Variants in RELL1 observed in about 807,000 individuals in gnomAD.
The protein encoded by RELL1 is RELT like 1.
RELL1 carries 10 observed loss-of-function variants against 23.0 expected under a neutral mutation model. The observed-to-expected ratio is 0.43, with a 90% CI of 0.27 to 0.74. The LOEUF is 0.74. Ranked by LOEUF, RELL1 falls within the 30% of genes least tolerant of loss-of-function variation. The pLI, the probability that RELL1 is intolerant of heterozygous loss-of-function variation, is 0.19. For missense variants in RELL1, 315 were observed against 364.4 expected, an observed-to-expected ratio of 0.86 and a Z score of 1.10; for synonymous variants, 146 against 146.8, an observed-to-expected ratio of 0.99 and a Z score of 0.04.
chr4:37,684,012 C>T (rs1164671708), intron 1 of RELL1, among the ~76,000 whole-genome samples: 1 of 151,362 alleles, frequency 6.6e-6, no homozygotes, highest in African/African-American at 2.4e-5. Context: ...ACCCGGGAGG[C>T]GGAGCTTGCA....
At chr4:37,633,134 C>G (rs541803336) in intron 5 of RELL1, among the ~76,000 whole-genome samples, 1 of 152,282 alleles carries the variant, frequency 6.6e-6, no homozygotes, top group East Asian at 1.9e-4. Flanking sequence ...TTTGGCCAGG[C>G]ACGGTGGCTT....
rs1560323656 is a variant in RELL1 at position 37,604,818 on chromosome 4, CACAG to C, written c.*4-13605_*4-13602del. On this transcript the variant is annotated intron_variant, in intron 6 of 6. Transcript: ENST00000314117. ...ACACAGACACACACACAGACACACA[CACAG>C]ACACACACATACACACAGACACACA... 4.8e-3 allele frequency among the ~76,000 whole-genome samples: 587 copies of C among 121,778 alleles called. 14 individuals are homozygous for C. The highest frequency in any genetic ancestry group is 0.017 in the African/African-American group (510 of 29,660). The allele number at this position is 121,778 out of a possible 152,430, so 79.9% of individuals were successfully genotyped here.
chr4:37,674,850 C>G (rs1374149906), intron 1 of RELL1, among the ~76,000 whole-genome samples: 1 of 152,160 alleles, frequency 6.6e-6, no homozygotes, highest in African/African-American at 2.4e-5. Context: ...TTATTGGTAT[C>G]GAAAGGAATT....
At chr4:37,683,314 C>A (rs1722283028) in intron 1 of RELL1, among the ~76,000 whole-genome samples, 1 of 152,204 alleles carries the variant, frequency 6.6e-6, no homozygotes, top group Non-Finnish European at 1.5e-5. Flanking sequence ...AAGGTACACA[C>A]ATACACAGAC....
chr4:37,655,262 A>AT (rs1560349592), intron 1 of RELL1, among the ~76,000 whole-genome samples: 2 of 151,766 alleles, frequency 1.3e-5, no homozygotes, highest in Non-Finnish European at 2.9e-5. Flanking sequence ...TATATATATA[A>AT]AAAGCAAGTT....
downstream of RELL1, among the ~76,000 whole-genome samples, chr4:37,605,850 A>AG (rs71189088): frequency 2.1e-3 from 303 of 145,254 alleles, 2 homozygotes; most frequent in Non-Finnish European, 3.6e-3. Context: ...AAAGAAGGAA[A>AG]AGAAAAGAAA....
At chr4:37,673,193 T>C (rs1721900095) in intron 1 of RELL1, among the ~76,000 whole-genome samples, 2 of 109,084 alleles carry the variant, frequency 1.8e-5, no homozygotes, top group Non-Finnish European at 3.9e-5. Context: ...TTTCTTTTTT[T>C]TTTTTTTTTT....
intron 1 of RELL1, among the ~76,000 whole-genome samples, chr4:37,675,977 G>A (rs1056686934): frequency 6.6e-6 from 1 of 152,208 alleles, no homozygotes; most frequent in Non-Finnish European, 1.5e-5. Context: ...AACCACTGCT[G>A]TTGCTTTGCT....
At chr4:37,588,763 C>A, downstream of RELL1, 1 of 982,154 alleles carries the variant, frequency 1.0e-6, no homozygotes, top group Non-Finnish European at 1.6e-6. Flanking sequence ...CATTTTGAGT[C>A]TCTAGGGAAA....
At chr4:37,681,899 T>G (rs1027658691) in intron 1 of RELL1, among the ~76,000 whole-genome samples, 1 of 152,204 alleles carries the variant, frequency 6.6e-6, no homozygotes, top group African/African-American at 2.4e-5. Flanking sequence ...TAGCATCCCA[T>G]GACCTTGTTA....
At chr4:37,635,685 C>A (rs1041385966) in intron 4 of RELL1, among the ~76,000 whole-genome samples, 2 of 152,146 alleles carry the variant, frequency 1.3e-5, no homozygotes, top group Non-Finnish European at 2.9e-5. Context: ...TGGGAATAAA[C>A]CACTGCTTCT....
At chr4:37,609,368 A>C (rs1719308940), downstream of RELL1, among the ~76,000 whole-genome samples, 1 of 152,232 alleles carries the variant, frequency 6.6e-6, no homozygotes, top group African/African-American at 2.4e-5. Context: ...TCAAAATAAT[A>C]ACTCATTGAC....
At chr4:37,671,975 A>C (rs1721850567) in intron 1 of RELL1, among the ~76,000 whole-genome samples, 1 of 152,166 alleles carries the variant, frequency 6.6e-6, no homozygotes, top group Non-Finnish European at 1.5e-5. Flanking sequence ...AGAGATTCAT[A>C]GGGCAAGGTA....
chr4:37,635,153 A>G, intron 4 of RELL1, 30 bp from the exon 5 acceptor site: 1 of 1,559,078 alleles, frequency 6.4e-7, no homozygotes, highest in Non-Finnish European at 8.8e-7. Flanking sequence ...AAAAAGAGCA[A>G]CTGGTTAAAG....
At position 37,629,066 on chromosome 4, in the gene RELL1, T is replaced by G. The variant is rs1720041850; in HGVS notation, c.*3+2319A>C. On this transcript the variant is annotated intron_variant, in intron 6 of 6. Coordinates refer to ENST00000454158, the MANE Select transcript of RELL1 (RefSeq NM_001085400.2). ...CAGCCATGGCACTAGTTAGCCAAGC[T>G]CTAATCAGAGGTGAGTCTGACAAGA... is the stretch of plus-strand genomic sequence containing the variant. Among the ~76,000 whole-genome samples, 3 of 152,148 alleles carry G rather than the reference T, an allele frequency of 2.0e-5. No homozygotes were observed. The South Asian group carries it at 6.2e-4, about 31-fold the overall frequency.
chr4:37,621,807 C>A (rs557610600), intron 6 of RELL1, among the ~76,000 whole-genome samples: 1 of 152,324 alleles, frequency 6.6e-6, no homozygotes, highest in East Asian at 1.9e-4. Context: ...AGATGGCTTG[C>A]TTTGGTGGCA....
At chr4:37,646,955 C>A (rs1465873621) in intron 3 of RELL1, among the ~76,000 whole-genome samples, 1 of 152,048 alleles carries the variant, frequency 6.6e-6, no homozygotes, top group African/African-American at 2.4e-5. Flanking sequence ...GAACTCCTGG[C>A]CTCAAGTAAT....
intron 4 of RELL1, among the ~76,000 whole-genome samples, 184 bp downstream of exon 4, chr4:37,638,263 G>A (rs1720402726): frequency 6.6e-6 from 1 of 152,134 alleles, no homozygotes; most frequent in Admixed American, 6.5e-5. Flanking sequence ...TGAAGGCCAG[G>A]GATGCTATCA....
intron 6 of RELL1, among the ~76,000 whole-genome samples, chr4:37,630,532 T>G (rs770529594): frequency 6.6e-6 from 1 of 151,850 alleles, no homozygotes; most frequent in Non-Finnish European, 1.5e-5. Context: ...GCCCGGCTAC[T>G]TTTTTGTATT....
Sources: allele counts gnomAD v4.1 joint callset (sites outside exome capture counted in the v4.1 genomes callset), GRCh38; gene constraint gnomAD v4.1.1; transcripts MANE v1.5; gene names NCBI Gene and HGNC (gene_info 2026-07-23, HGNC 2026-07-21).